Variants in CRYM observed in about 807,000 individuals in gnomAD.
CRYM encodes the protein crystallin mu.
Under a neutral mutation model 32.9 loss-of-function variants are expected in CRYM, and 18 were observed. That is an observed-to-expected ratio of 0.55 (90% confidence interval 0.38 to 0.81). The LOEUF (loss-of-function observed/expected upper bound fraction) is 0.81, where lower values mean the gene tolerates loss of function less well. Ranked by LOEUF, CRYM falls within the 30% of genes least tolerant of loss-of-function variation. The pLI is 0.00. For synonymous variants in CRYM, 153 were observed against 152.4 expected, an observed-to-expected ratio of 1.00 and a Z score of -0.03; for missense variants, 337 against 393.5, an observed-to-expected ratio of 0.86 and a Z score of 1.21.
intron 1 of CRYM, among the ~76,000 whole-genome samples, chr16:21,286,365 C>T (rs369442009): frequency 9.9e-5 from 15 of 151,648 alleles, no homozygotes; most frequent in African/African-American, 2.7e-4. Context: ...TTACAGGCGC[C>T]GGCCACCACG....
At chr16:21,278,381 G>A (rs921007771), upstream of CRYM, 35 of 1,217,402 alleles carry the variant, frequency 2.9e-5, no homozygotes, top group Non-Finnish European at 3.8e-5. Context: ...CGGGGGCGGA[G>A]CAACCCCGCC....
At chr16:21,267,288 G>T (rs1424376209) in intron 5 of CRYM, among the ~76,000 whole-genome samples, 2 of 152,000 alleles carry the variant, frequency 1.3e-5, no homozygotes, top group Non-Finnish European at 2.9e-5. Context: ...AGTAGAGACG[G>T]GGTTTTGCCA....
intron 7 of CRYM, among the ~76,000 whole-genome samples, chr16:21,260,168 T>C (rs1230047729): frequency 6.6e-6 from 1 of 152,198 alleles, no homozygotes; most frequent in Non-Finnish European, 1.5e-5. Flanking sequence ...TTTACTCTTT[T>C]GCTGCTTGAT....
intron 6 of CRYM, 199 bp downstream of exon 6, chr16:21,261,838 T>C (rs2093355048): frequency 1.7e-6 from 1 of 594,018 alleles, no homozygotes; most frequent in African/African-American, 1.9e-5. Flanking sequence ...GGAACACACA[T>C]GTCACCACCC....
At chr16:21,262,229 G>C in intron 5 of CRYM, 71 bp from the exon 6 acceptor site, 1 of 1,602,570 alleles carries the variant, frequency 6.2e-7, no homozygotes, top group Non-Finnish European at 8.5e-7. Context: ...CAAAGCACAG[G>C]AGAGAGGTGA....
In CRYM at chr16:21,273,327, C is replaced by A. The variant is rs77044103; in HGVS notation, c.387+2205G>T. Among the ~76,000 whole-genome samples, 157 of 151,996 alleles carry A rather than the reference C, an allele frequency of 1.0e-3. 2 individuals are homozygous for A. The East Asian group carries it at 0.027, about 26-fold the overall frequency. ...TCTCAAGGCAACAAGTAAAATAGAC[C>A]CTTTGTTCCTTATTGAAACAGTTCA... On this transcript the variant is annotated intron_variant, in intron 3 of 7. Coordinates refer to ENST00000572914, the MANE Select transcript of CRYM (RefSeq NM_001376256.1).
intron 1 of CRYM, among the ~76,000 whole-genome samples, chr16:21,293,476 CTG>C: frequency 6.6e-6 from 1 of 152,254 alleles, no homozygotes; most frequent in East Asian, 1.9e-4. Context: ...AAAAAAATCT[CTG>C]AGAACTAGAC....
chr16:21,281,841 T>TC, upstream of CRYM, among the ~76,000 whole-genome samples: 1 of 152,242 alleles, frequency 6.6e-6, no homozygotes, highest in East Asian at 1.9e-4. Flanking sequence ...TACACATGCA[T>TC]CAGGACCACT....
intron 5 of CRYM, among the ~76,000 whole-genome samples, chr16:21,263,333 G>A (rs757827015): frequency 1.2e-4 from 19 of 152,222 alleles, no homozygotes; most frequent in South Asian, 1.2e-3. Context: ...CCTGGGAGTT[G>A]GAGGTTGCAG....
intron 3 of CRYM, among the ~76,000 whole-genome samples, chr16:21,270,884 G>A (rs531275036): frequency 6.6e-6 from 1 of 152,294 alleles, no homozygotes; most frequent in East Asian, 1.9e-4. Flanking sequence ...AGGATTCTGT[G>A]ATCAACTCAC....
In CRYM at chr16:21,278,189, G is replaced by T; in HGVS notation, c.63C>A (p.Ser21Arg). 1 of 1,553,540 alleles carries T rather than the reference G, an allele frequency of 6.4e-7. No homozygotes were observed. The highest frequency in any genetic ancestry group is 8.7e-7 in the Non-Finnish European group (1 of 1,149,538). The change falls in exon 1 of 8, where the codon AGC (serine) becomes AGA (arginine). Residue 21 changes from serine (S) to arginine (R), a missense_variant. Transcript: ENST00000572914. ...CCGTCTCTAGAGGCGGGATGAGGAGGCTGGAGCTGCGGAGGTGTTCCTCCA... is the reference window on the plus strand; with the variant it reads ...CCGTCTCTAGAGGCGGGATGAGGAGTCTGGAGCTGCGGAGGTGTTCCTCCA... ...AEVEEHLRSSSLLIPPLETAL... is the reference protein window; with the variant it reads ...AEVEEHLRSSRLLIPPLETAL...
intron 1 of CRYM, chr16:21,283,957 G>C (rs2093403001): frequency 1.3e-5 from 2 of 152,792 alleles, no homozygotes; most frequent in Non-Finnish European, 2.9e-5. Context: ...GCGGCGGCGA[G>C]GCTTGAGCAG....
chr16:21,259,102 AT>A lies in CRYM; in HGVS notation c.881-258del, dbSNP rs947572805. ...AGGGCTGAGCAAATTTTTTTTTTTA[AT>A]TTTTTTTTTTTTCGAGATGGAGTCT... On this transcript the variant is annotated intron_variant, in intron 7 of 7. Coordinates refer to ENST00000572914, the MANE Select transcript of CRYM (RefSeq NM_001376256.1). 9.9e-4 allele frequency among the ~76,000 whole-genome samples: 142 copies of A among 144,082 alleles called. 1 individual carries two copies. The highest frequency in any genetic ancestry group is 4.0e-3 in the East Asian group (20 of 4,966). The allele number at this position is 144,082 out of a possible 152,430, so 94.5% of individuals were successfully genotyped here.
At position 21,302,652 on chromosome 16, in the gene CRYM, C is replaced by T. The variant is rs184429311; in HGVS notation, c.-193+326G>A. Among the ~76,000 whole-genome samples, 639 of 152,222 alleles carry T rather than the reference C, an allele frequency of 4.2e-3. 8 individuals carry two copies. Among genetic ancestry groups the T allele is most frequent in the South Asian group, 0.017 (84 of 4,824 alleles). ...TTGCTGAGTTTACAAGTGTTTCCTC[C>T]GTGATTAGGCCAGCTGTGTTTGCTA... On this transcript the variant is annotated intron_variant, in intron 1 of 9. Coordinates refer to the CRYM transcript ENST00000219599.
intron 1 of CRYM, chr16:21,284,145 T>TA (rs899954840): frequency 6.6e-6 from 1 of 151,980 alleles, no homozygotes; most frequent in Non-Finnish European, 1.5e-5. Flanking sequence ...TTAACTTTTT[T>TA]TTTTTTTTGG....
intron 3 of CRYM, among the ~76,000 whole-genome samples, chr16:21,274,543 TATTA>T (rs1190722412): frequency 1.3e-5 from 2 of 152,214 alleles, no homozygotes; most frequent in Non-Finnish European, 2.9e-5. Flanking sequence ...TTTAATTACA[TATTA>T]TTTATTACTA....
At position 21,258,809 on chromosome 16, in the gene CRYM, ATGAGT is replaced by A. The variant is rs1418546948; in HGVS notation, c.912_916del (p.Lys304AsnfsTer3). 1 of 1,614,024 alleles carries A rather than the reference ATGAGT, an allele frequency of 6.2e-7. No individual in the cohort carries two copies. Among genetic ancestry groups the A allele is most frequent in the African/African-American group, 1.3e-5 (1 of 74,936 alleles). On this transcript the variant is annotated frameshift_variant, in exon 8 of 8. Transcript: ENST00000572914. LOFTEE classifies it high-confidence loss of function. ...TTTACCAGATGACCAGGAATCATAG[ATGAGT>A]TTGGCTGCAACTGTGTCTTCCACTG...
intron 1 of CRYM, among the ~76,000 whole-genome samples, chr16:21,284,839 G>A (rs984658513): frequency 1.3e-5 from 2 of 152,118 alleles, no homozygotes; most frequent in Non-Finnish European, 2.9e-5. Context: ...TAAGTTATTT[G>A]AGAAATCCCC....
intron 1 of CRYM, among the ~76,000 whole-genome samples, chr16:21,302,066 C>G (rs989209306): frequency 1.7e-4 from 26 of 152,206 alleles, no homozygotes; most frequent in African/African-American, 6.0e-4. Flanking sequence ...CTCATCCCCC[C>G]GCCAACACAC....
Sources: gnomAD v4.1 joint callset for allele counts (sites outside exome capture counted in the v4.1 genomes callset) on GRCh38, gnomAD v4.1.1 for gene constraint, MANE v1.5 for transcripts, NCBI Gene and HGNC (gene_info 2026-07-23, HGNC 2026-07-21) for gene names.